Variants in TTC7A observed in about 807,000 individuals in gnomAD.
The protein encoded by TTC7A is tetratricopeptide repeat protein 7A.
A neutral mutation model predicts 103.7 loss-of-function variants in TTC7A; 110 were observed. The ratio of observed to expected loss-of-function variants is 1.06; its 90% confidence interval spans 0.91 to 1.24. TTC7A has a LOEUF of 1.24. TTC7A is among the 50% of genes most tolerant of loss of function. The probability of loss-of-function intolerance (pLI) is 0.00; values close to 1 mark genes in which losing one functional copy is unlikely to be tolerated. For missense variants in TTC7A, 1,340 were observed against 1,116.3 expected (o/e 1.20, Z -2.86); for synonymous variants, 521 against 467.9 (o/e 1.11, Z -1.47).
intron 3 of TTC7A, among the ~76,000 whole-genome samples, chr2:46,958,054 G>T (rs1217769373): frequency 6.6e-6 from 1 of 152,166 alleles, no homozygotes; most frequent in Non-Finnish European, 1.5e-5. Context: ...CTCTGGCCTT[G>T]GAGTGTGAGT....
chr2:47,032,040 A>G (rs1002058732), intron 15 of TTC7A, among the ~76,000 whole-genome samples: 2 of 152,100 alleles, frequency 1.3e-5, no homozygotes, highest in African/African-American at 2.4e-5. Context: ...GCCCTGCCTC[A>G]ACACGTGCAC....
intron 18 of TTC7A, 110 bp from the exon 19 acceptor site, chr2:47,060,659 A>C: frequency 3.2e-5 from 31 of 961,626 alleles, no homozygotes; most frequent in Non-Finnish European, 4.4e-5. Flanking sequence ...TTGGTGGGAT[A>C]GAGTTTGTCA....
chr2:47,024,409 TCTC>T (rs756566334), intron 14 of TTC7A, 50 bp downstream of exon 14: 2 of 1,530,316 alleles, frequency 1.3e-6, no homozygotes, highest in Non-Finnish European at 1.8e-6. Context: ...CTGCTGATCT[TCTC>T]CTGGAAACCC....
chr2:47,046,786 C>T (rs1682369331), intron 16 of TTC7A: 1 of 270,750 alleles, frequency 3.7e-6, no homozygotes, highest in Non-Finnish European at 7.0e-6. Context: ...AGTGAGGAAA[C>T]TCAGACACAG....
At chr2:47,058,480 T>A (rs1683501514) in intron 18 of TTC7A, among the ~76,000 whole-genome samples, 1 of 152,216 alleles carries the variant, frequency 6.6e-6, no homozygotes, top group African/African-American at 2.4e-5. Flanking sequence ...CTGGGCCTGG[T>A]TTCTCCACCT....
At chr2:46,963,658 A>T (rs185117628) in intron 3 of TTC7A, among the ~76,000 whole-genome samples, 19 of 152,360 alleles carry the variant, frequency 1.2e-4, no homozygotes, top group Non-Finnish European at 2.4e-4. Flanking sequence ...CACAACAAAA[A>T]GGAGGGACTG....
intron 5 of TTC7A, among the ~76,000 whole-genome samples, chr2:46,981,458 G>T (rs1400881532): frequency 6.6e-6 from 1 of 152,164 alleles, no homozygotes; most frequent in Non-Finnish European, 1.5e-5. Flanking sequence ...TTTGGTGGGG[G>T]CAGGCGAAAT....
At chr2:47,070,236 C>G (rs1264383782) in intron 19 of TTC7A, among the ~76,000 whole-genome samples, 1 of 152,252 alleles carries the variant, frequency 6.6e-6, no homozygotes, top group Non-Finnish European at 1.5e-5. Flanking sequence ...TGGCCACACA[C>G]TGTGCCTCTG....
At chr2:46,968,837 C>G (rs1673091593) in intron 3 of TTC7A, among the ~76,000 whole-genome samples, 1 of 152,086 alleles carries the variant, frequency 6.6e-6, no homozygotes, top group African/African-American at 2.4e-5. Context: ...GACCAGTACC[C>G]TAATAAAGAT....
At chr2:47,001,197 G>C (rs969053271) in intron 8 of TTC7A, among the ~76,000 whole-genome samples, 5 of 152,170 alleles carry the variant, frequency 3.3e-5, no homozygotes, top group Non-Finnish European at 5.9e-5. Context: ...TTAGACTGGA[G>C]CCCTGTTTAT....
rs1413433591 is a variant in TTC7A at position 47,074,726 on chromosome 2, A to G, written c.*803A>G. 4 of 152,410 alleles carry G rather than the reference A, an allele frequency of 2.6e-5. No homozygotes were observed. The highest frequency in any genetic ancestry group is 9.6e-5 in the African/African-American group (4 of 41,456). 9.4% of individuals were successfully genotyped at this position (152,410 alleles called of 1,614,324 possible). A position where few individuals can be genotyped will look rare whatever the true frequency, so the allele number is the denominator to read the frequency against. On this transcript the variant is annotated 3_prime_UTR_variant, in exon 20 of 20. Coordinates refer to ENST00000319190, the MANE Select transcript of TTC7A (RefSeq NM_020458.4). ...GGCAGTTTCTAGGACTGTCCCCAGT[A>G]CATCTCACCACCCACAGCCCTTTTT...
chr2:46,983,895 T>C lies in TTC7A; in HGVS notation c.764+4988T>C, dbSNP rs559587092. On this transcript the variant is annotated intron_variant, in intron 5 of 19. Transcript: ENST00000319190. ...GTATAGGCACGAAGGCCAGAGGAGC[T>C]GTTCTTATCTATGAAAGCTTCCTGG... 3.9e-5 allele frequency among the ~76,000 whole-genome samples: 6 copies of C among 152,342 alleles called. No individual in the cohort carries two copies. The South Asian group carries it at 1.0e-3, about 26-fold the overall frequency.
At chr2:47,004,180 G>A (rs1469427209) in intron 8 of TTC7A, among the ~76,000 whole-genome samples, 4 of 152,204 alleles carry the variant, frequency 2.6e-5, no homozygotes, top group East Asian at 3.9e-4. Context: ...GTCCATGGGG[G>A]CATGGGCAGC....
intron 5 of TTC7A, among the ~76,000 whole-genome samples, chr2:46,992,924 A>G (rs1055769608): frequency 6.6e-6 from 1 of 152,236 alleles, no homozygotes; most frequent in African/African-American, 2.4e-5. Context: ...TCACACTTTT[A>G]AAAGCTTGAA....
At position 47,046,304 on chromosome 2, in the gene TTC7A, C is replaced by T. The variant is rs779327982; in HGVS notation, c.1803-11C>T. 6.3e-5 allele frequency: 101 copies of T among 1,610,666 alleles called. No individual in the cohort carries two copies. The highest frequency in any genetic ancestry group is 8.0e-5 in the African/African-American group (6 of 74,836). Reference sequence around the variant, plus strand: ...CTGGGGTGTGCTGATGGCCACTCTCCGTCCCCACAGCCTGATGTTCACCAA... The same window carrying T: ...CTGGGGTGTGCTGATGGCCACTCTCTGTCCCCACAGCCTGATGTTCACCAA... On this transcript the variant is annotated splice_polypyrimidine_tract_variant and intron_variant, in intron 15 of 19. Transcript: ENST00000319190.
rs1345793777 is a variant in TTC7A, at chr2:47,007,788, C to G, written c.1287+1064C>G. On this transcript the variant is annotated intron_variant, in intron 10 of 19. Coordinates refer to ENST00000319190, the MANE Select transcript of TTC7A (RefSeq NM_020458.4). This position sits in a 1 kb window ranked among gnomAD's most constrained non-coding sequence, Gnocchi z 4.9. ...GCTGGGCATGTGTCTTTCCAAACCT[C>G]TCTCCTCTCCCCCATCACATCGGAC... 6.6e-6 allele frequency among the ~76,000 whole-genome samples: 1 copy of G among 152,212 alleles called. No individual in the cohort carries two copies. The highest frequency in any genetic ancestry group is 1.9e-4 in the East Asian group (1 of 5,192).
intron 19 of TTC7A, chr2:47,065,997 C>A (rs2570516): frequency 0.48 from 73,325 of 151,962 alleles, 21,104 homozygotes; most frequent in Non-Finnish European, 0.65. Flanking sequence ...TCCAGGCTCT[C>A]CAGAACCTCT....
chr2:46,936,802 G>A (rs752327991), upstream of TTC7A, among the ~76,000 whole-genome samples: 15 of 151,938 alleles, frequency 9.9e-5, no homozygotes, highest in Non-Finnish European at 1.9e-4. Context: ...CAAACATCCA[G>A]TGGTCTTCTT....
intron 8 of TTC7A, among the ~76,000 whole-genome samples, chr2:46,995,564 T>C (rs764161044): frequency 6.6e-6 from 1 of 152,152 alleles, no homozygotes; most frequent in Non-Finnish European, 1.5e-5. Flanking sequence ...AGGTAGGGAA[T>C]GGAAGGAATG....
Sources: allele counts gnomAD v4.1 joint callset (sites outside exome capture counted in the v4.1 genomes callset), GRCh38; gene constraint gnomAD v4.1.1; non-coding constraint Gnocchi (gnomAD v3.1); transcripts MANE v1.5; gene names NCBI Gene and HGNC (gene_info 2026-07-23, HGNC 2026-07-21).